CSNK1G1: variants seen among roughly 807,000 people sequenced by gnomAD.
CSNK1G1 encodes the protein casein kinase I isoform gamma-1.
CSNK1G1 carries 22 observed loss-of-function variants against 59.6 expected under a neutral mutation model. The ratio of observed to expected loss-of-function variants is 0.37; its 90% CI spans 0.26 to 0.53. CSNK1G1 has a LOEUF of 0.53. Among genes scored for constraint, CSNK1G1 ranks in the 20% least tolerant of loss-of-function variants. The probability of loss-of-function intolerance (pLI) is 0.89; values close to 1 mark genes in which losing one functional copy is unlikely to be tolerated. For missense variants in CSNK1G1, 384 were observed against 519.5 expected, an observed-to-expected ratio of 0.74 and a Z score of 2.54; for synonymous variants, 179 against 177.1, an observed-to-expected ratio of 1.01 and a Z score of -0.08.
intron 1 of CSNK1G1, among the ~76,000 whole-genome samples, chr15:64,347,431 T>C (rs1284052994): frequency 6.6e-6 from 1 of 151,876 alleles, no homozygotes; most frequent in African/African-American, 2.4e-5. Context: ...CAACAAATTG[T>C]GGCACATCTA....
chr15:64,325,244 G>T (rs1350545924), intron 1 of CSNK1G1, among the ~76,000 whole-genome samples: 1 of 152,106 alleles, frequency 6.6e-6, no homozygotes, highest in Non-Finnish European at 1.5e-5. Context: ...ACCTTCACTG[G>T]GATATAGCTA....
rs7170654 is a variant in CSNK1G1, at chr15:64,289,299, A to G, written c.181+11020T>C. ...ATCTTGCAAGTATTGTATCTGTGAC[A>G]CTTCTAAAATTACCATATTAATGCA... is the stretch of plus-strand genomic sequence containing the variant. On this transcript the variant is annotated intron_variant, in intron 2 of 11. Coordinates refer to ENST00000303052, the MANE Select transcript of CSNK1G1 (RefSeq NM_022048.5). 8.4e-3 allele frequency among the ~76,000 whole-genome samples: 1,285 copies of G among 152,224 alleles called. 20 individuals are homozygous for G. The highest frequency in any genetic ancestry group is 0.029 in the African/African-American group (1,205 of 41,524).
At chr15:64,279,557 T>C (rs924174047) in intron 2 of CSNK1G1, among the ~76,000 whole-genome samples, 1 of 152,204 alleles carries the variant, frequency 6.6e-6, no homozygotes, top group African/African-American at 2.4e-5. Flanking sequence ...CTGTTTTCAG[T>C]TTGGGCCATT....
intron 4 of CSNK1G1, among the ~76,000 whole-genome samples, chr15:64,229,812 T>C (rs748819438): frequency 2.0e-5 from 3 of 149,064 alleles, no homozygotes; most frequent in Admixed American, 6.8e-5. Context: ...ACTGGGATTC[T>C]ACTCTTGGCA....
chr15:64,347,120 A>G (rs1898019925), intron 1 of CSNK1G1, among the ~76,000 whole-genome samples: 1 of 152,236 alleles, frequency 6.6e-6, no homozygotes, highest in Non-Finnish European at 1.5e-5. Context: ...GATAACGAGT[A>G]AAATACAAAA....
At chr15:64,296,876 A>G (rs1308359120) in intron 2 of CSNK1G1, among the ~76,000 whole-genome samples, 4 of 151,752 alleles carry the variant, frequency 2.6e-5, no homozygotes, top group African/African-American at 7.2e-5. Flanking sequence ...AAGAAAAAAA[A>G]AAAAGAAAAC....
chr15:64,315,055 A>G (rs1896199239), intron 1 of CSNK1G1, among the ~76,000 whole-genome samples: 1 of 152,222 alleles, frequency 6.6e-6, no homozygotes, highest in Non-Finnish European at 1.5e-5. Flanking sequence ...ACCTCCATAC[A>G]GTTTTCCATA....
intron 1 of CSNK1G1, among the ~76,000 whole-genome samples, chr15:64,326,758 G>C (rs1230392345): frequency 6.6e-6 from 1 of 151,792 alleles, no homozygotes; most frequent in Non-Finnish European, 1.5e-5. Flanking sequence ...TTCCATCTGA[G>C]GTACCGGGTT....
Position 64,201,705 on chromosome 15 carries a change from CATGT to C in CSNK1G1, c.1107+1373_1107+1376del, listed in dbSNP as rs1353815586. Among the ~76,000 whole-genome samples, 654 of 104,234 alleles carry C rather than the reference CATGT, an allele frequency of 6.3e-3. 2 individuals carry two copies. Among genetic ancestry groups the C allele is most frequent in the African/African-American group, 0.021 (613 of 28,742 alleles). 68.4% of individuals were successfully genotyped at this position (104,234 alleles called of 152,430 possible). On this transcript the variant is annotated intron_variant, in intron 10 of 11. Transcript: ENST00000303052. ...ATATTTGTGGGTGTACTCCATTGGA[CATGT>C]GTGTGTGTGTGTGTGTGTGTGTGTG...
Position 64,188,546 on chromosome 15 carries a change from G to T in CSNK1G1, c.1108-8092C>A. 1 of 1,264,046 alleles carries T rather than the reference G, an allele frequency of 7.9e-7. No individual in the cohort carries two copies. The highest frequency in any genetic ancestry group is 1.3e-5 in the South Asian group (1 of 76,814). The allele number at this position is 1,264,046 out of a possible 1,614,324, so 78.3% of individuals were successfully genotyped here. On this transcript the variant is annotated intron_variant, in intron 10 of 11. Coordinates refer to ENST00000303052, the MANE Select transcript of CSNK1G1 (RefSeq NM_022048.5). This position sits in a 1 kb window ranked among gnomAD's most constrained non-coding sequence, Gnocchi z 4.2. ...GGAAGGAAAGGTGAAGCAACAGCAA[G>T]CAATAACAAAATCAAGTACATTCGT...
At chr15:64,327,741 A>G (rs1293178782) in intron 1 of CSNK1G1, among the ~76,000 whole-genome samples, 5 of 148,358 alleles carry the variant, frequency 3.4e-5, no homozygotes, top group African/African-American at 1.3e-4. Flanking sequence ...ACGGGAGGAC[A>G]TTCAAACCAA....
At chr15:64,316,896 C>T (rs1191809947) in intron 1 of CSNK1G1, 1 of 152,164 alleles carries the variant, frequency 6.6e-6, no homozygotes, top group Non-Finnish European at 1.5e-5. Flanking sequence ...CTTACGTGGA[C>T]CCCCTTACAG....
intron 11 of CSNK1G1, among the ~76,000 whole-genome samples, chr15:64,178,923 A>T (rs1331339039): frequency 6.9e-6 from 1 of 145,502 alleles, no homozygotes; most frequent in Admixed American, 6.8e-5. Flanking sequence ...GCTAATTTTT[A>T]ATTTTTTTAT....
intron 10 of CSNK1G1, among the ~76,000 whole-genome samples, chr15:64,185,701 T>G (rs2081883093): frequency 6.6e-6 from 1 of 151,776 alleles, no homozygotes. Context: ...CCATCTCTAC[T>G]AAATATCCAA....
intron 10 of CSNK1G1, among the ~76,000 whole-genome samples, chr15:64,184,041 C>T (rs1224913756): frequency 1.3e-5 from 2 of 152,048 alleles, no homozygotes; most frequent in South Asian, 2.1e-4. Flanking sequence ...CAGTGGCTCA[C>T]GCCTGTAATC....
intron 2 of CSNK1G1, among the ~76,000 whole-genome samples, chr15:64,272,517 C>T (rs561337946): frequency 3.2e-4 from 49 of 151,918 alleles, no homozygotes; most frequent in Admixed American, 2.6e-3. Flanking sequence ...ACGCCCGGCC[C>T]CACTCTGTGA....
intron 4 of CSNK1G1, among the ~76,000 whole-genome samples, chr15:64,240,054 T>C (rs181008656): frequency 1.3e-5 from 2 of 152,158 alleles, no homozygotes; most frequent in Admixed American, 6.5e-5. Context: ...GCTAACATGG[T>C]AAAACCTTGT....
intron 2 of CSNK1G1, among the ~76,000 whole-genome samples, chr15:64,299,460 C>T (rs189453874): frequency 3.3e-5 from 5 of 151,820 alleles, no homozygotes; most frequent in African/African-American, 4.8e-5. Context: ...GGCGTGGTGG[C>T]GGATGCCTGT....
rs1295162488 is a variant in CSNK1G1, at chr15:64,216,047, T to C, written c.444+515A>G. Among the ~76,000 whole-genome samples the C allele has an allele frequency of 2.0e-5, 3 of 151,796 alleles. No homozygotes were observed. The highest frequency in any genetic ancestry group is 4.4e-5 in the Non-Finnish European group (3 of 67,958). ...GTTTAGACAAGCCTGGGCAACATAG[T>C]GGGAGTCTGTCTCCAAAACACTTTT... On this transcript the variant is annotated intron_variant, in intron 5 of 11. Transcript: ENST00000303052. The surrounding 1 kb of genome is among the most constrained non-coding windows in gnomAD (Gnocchi z 4.6).
Sources: gnomAD v4.1 joint callset for allele counts (sites outside exome capture counted in the v4.1 genomes callset) on GRCh38, gnomAD v4.1.1 for gene constraint, Gnocchi (gnomAD v3.1) non-coding constraint, MANE v1.5 for transcripts, NCBI Gene and HGNC (gene_info 2026-07-23, HGNC 2026-07-21) for gene names.